The following GRID2 variants were observed in gnomAD, a reference collection of about 807,000 sequenced individuals.
GRID2 encodes the protein glutamate receptor ionotropic, delta-2.
Under a neutral mutation model 114.8 loss-of-function variants are expected in GRID2, and 33 were observed. That is an observed-to-expected ratio of 0.29 (90% CI 0.22 to 0.38). The LOEUF is 0.38. Among genes scored for constraint, GRID2 ranks in the 10% least tolerant of loss-of-function variants. The pLI is 1.00. For synonymous variants in GRID2, 505 were observed against 449.9 expected (o/e 1.12, Z -1.55); for missense variants, 1,184 against 1,257.7 (o/e 0.94, Z 0.89).
At chr4:92,674,260 C>T (rs1056190714) in intron 2 of GRID2, among the ~76,000 whole-genome samples, 33 of 152,168 alleles carry the variant, frequency 2.2e-4, no homozygotes, top group Admixed American at 1.3e-3. Context: ...GACTTCATTA[C>T]GAGCATGTAT....
chr4:93,090,222 T>C lies in GRID2; in HGVS notation c.529+4943T>C, dbSNP rs536518076. 1.1e-4 allele frequency among the ~76,000 whole-genome samples: 17 copies of C among 152,276 alleles called. No homozygotes were observed. The East Asian group carries it at 3.1e-3, about 28-fold the overall frequency. On this transcript the variant is annotated intron_variant, in intron 3 of 15. Coordinates refer to ENST00000282020, the MANE Select transcript of GRID2 (RefSeq NM_001510.4). ...AAAGAGACTATAAACAGGACTTTAA[T>C]GAGCAGGATTGATCTCAACCATGCC... is the stretch of plus-strand genomic sequence containing the variant.
At chr4:93,156,516 A>C (rs369110931) in intron 4 of GRID2, among the ~76,000 whole-genome samples, 2 of 151,768 alleles carry the variant, frequency 1.3e-5, no homozygotes, top group East Asian at 1.9e-4. Context: ...CAGGCCCTTT[A>C]GATGTAGTGT....
intron 3 of GRID2, among the ~76,000 whole-genome samples, chr4:93,105,253 A>G (rs574754399): frequency 3.3e-5 from 5 of 151,850 alleles, no homozygotes; most frequent in East Asian, 3.9e-4. Flanking sequence ...CCCATTTTGT[A>G]GGTTGCCTGT....
At chr4:92,810,684 G>A (rs1740626347) in intron 2 of GRID2, among the ~76,000 whole-genome samples, 2 of 152,098 alleles carry the variant, frequency 1.3e-5, no homozygotes, top group South Asian at 4.1e-4. Flanking sequence ...TAGTAACTTT[G>A]AGGATGAAAG....
At chr4:93,426,252 C>T (rs2149373511) in intron 10 of GRID2, among the ~76,000 whole-genome samples, 2 of 152,218 alleles carry the variant, frequency 1.3e-5, no homozygotes, top group South Asian at 4.1e-4. Context: ...AATGGGCAAT[C>T]GTCAGTCCTC....
At chr4:92,940,737 A>C (rs539267154) in intron 2 of GRID2, among the ~76,000 whole-genome samples, 3 of 152,000 alleles carry the variant, frequency 2.0e-5, no homozygotes, top group African/African-American at 7.2e-5. Context: ...TTTGAGATAC[A>C]TCCCATCAAT....
chr4:92,525,518 C>T (rs1313834717), intron 1 of GRID2, among the ~76,000 whole-genome samples: 1 of 152,024 alleles, frequency 6.6e-6, no homozygotes, highest in Non-Finnish European at 1.5e-5. Flanking sequence ...GAGGTACTCA[C>T]AGTGGAGGTA....
intron 1 of GRID2, among the ~76,000 whole-genome samples, chr4:92,321,632 GGGAA>G (rs1726321027): frequency 1.3e-5 from 2 of 152,128 alleles, no homozygotes; most frequent in African/African-American, 4.8e-5. Context: ...GTGCTCCAAT[GGGAA>G]GGAAGGGTCT....
At chr4:93,680,320 T>A (rs1725385836) in intron 14 of GRID2, among the ~76,000 whole-genome samples, 1 of 151,874 alleles carries the variant, frequency 6.6e-6, no homozygotes, top group Admixed American at 6.6e-5. Flanking sequence ...CAGGACCAGA[T>A]GGATTCACAG....
chr4:93,520,977 G>A (rs1430756324), intron 13 of GRID2, among the ~76,000 whole-genome samples: 3 of 152,124 alleles, frequency 2.0e-5, no homozygotes, highest in African/African-American at 7.2e-5. Flanking sequence ...AATAATCCAA[G>A]TGTGACATGA....
rs573276509 is a variant in GRID2, at chr4:93,382,837, G to A, written c.1246-12770G>A. Among the ~76,000 whole-genome samples the A allele has an allele frequency of 1.0e-3, 151 of 151,224 alleles. 1 individual carries two copies. The highest frequency in any genetic ancestry group is 3.6e-3 in the African/African-American group (148 of 41,006). ...GTTGAAAATTAGACATGTGACTGTA[G>A]TAATGTAGTAACTCCGGCAATCAGA... On this transcript the variant is annotated intron_variant, in intron 8 of 15. Transcript: ENST00000282020.
chr4:93,196,464 A>G (rs1212529103), intron 4 of GRID2, among the ~76,000 whole-genome samples: 1 of 152,182 alleles, frequency 6.6e-6, no homozygotes, highest in Admixed American at 6.6e-5. Context: ...TAATTTTAGT[A>G]GAATCATCAA....
intron 2 of GRID2, among the ~76,000 whole-genome samples, chr4:92,679,728 CTG>C (rs936244039): frequency 3.3e-5 from 5 of 151,856 alleles, no homozygotes; most frequent in African/African-American, 7.3e-5. Context: ...TATGTGAAAA[CTG>C]TCATCATTCA....
intron 2 of GRID2, among the ~76,000 whole-genome samples, chr4:92,926,977 A>G (rs998707051): frequency 2.6e-5 from 4 of 151,944 alleles, no homozygotes; most frequent in African/African-American, 4.8e-5. Flanking sequence ...TTTAGGAGAC[A>G]CATTTAAAAC....
At chr4:92,431,960 C>G (rs541433845) in intron 1 of GRID2, among the ~76,000 whole-genome samples, 1 of 152,334 alleles carries the variant, frequency 6.6e-6, no homozygotes, top group Non-Finnish European at 1.5e-5. Context: ...TGGGGGAACC[C>G]CAAGCCCAGT....
In GRID2 at chr4:93,733,448, A is replaced by G. The variant is rs961159886; in HGVS notation, c.2361-35762A>G. Among the ~76,000 whole-genome samples the G allele has an allele frequency of 3.3e-5, 5 of 152,234 alleles. No individual in the cohort carries two copies. In the East Asian group the frequency reaches 9.6e-4, roughly 29 times the overall value. Reference sequence around the variant, plus strand: ...ATTTTCTCCAAGTGCCTGCTTCTGAAATGGCCTGCCTGTTAAAACAAAGGA... The same window carrying G: ...ATTTTCTCCAAGTGCCTGCTTCTGAGATGGCCTGCCTGTTAAAACAAAGGA... On this transcript the variant is annotated intron_variant, in intron 14 of 15. Coordinates refer to ENST00000282020, the MANE Select transcript of GRID2 (RefSeq NM_001510.4).
chr4:93,053,747 A>C (rs1235963225), intron 2 of GRID2, among the ~76,000 whole-genome samples: 1 of 151,974 alleles, frequency 6.6e-6, no homozygotes, highest in Non-Finnish European at 1.5e-5. Flanking sequence ...CATTAACTTA[A>C]TGTGAGTTAG....
chr4:92,320,653 T>G (rs1480345619), intron 1 of GRID2, among the ~76,000 whole-genome samples: 1 of 152,092 alleles, frequency 6.6e-6, no homozygotes, highest in Admixed American at 6.6e-5. Flanking sequence ...AATTTTTGTA[T>G]TATTAGTAGA....
intron 3 of GRID2, among the ~76,000 whole-genome samples, chr4:93,109,026 T>C (rs76628193): frequency 0.028 from 4,252 of 152,322 alleles, 194 homozygotes; most frequent in African/African-American, 0.096. Context: ...ACATCAAAGT[T>C]TAAGAACATC....
Sources: allele counts gnomAD v4.1 joint callset (sites outside exome capture counted in the v4.1 genomes callset), GRCh38; gene constraint gnomAD v4.1.1; transcripts MANE v1.5; gene names NCBI Gene and HGNC (gene_info 2026-07-23, HGNC 2026-07-21).